The following TJP1 variants were observed in gnomAD, a reference collection of about 807,000 sequenced individuals.
The protein encoded by TJP1 is tight junction protein 1.
A neutral mutation model predicts 194.2 loss-of-function variants in TJP1; 43 were observed. The observed-to-expected ratio is 0.22, with a 90% CI of 0.17 to 0.29. The LOEUF is 0.29. TJP1 is among the 10% of genes least tolerant of loss of function. The pLI, the probability that TJP1 is intolerant of heterozygous loss-of-function variation, is 1.00. For synonymous variants in TJP1, 801 were observed against 779.0 expected (o/e 1.03, Z -0.47); for missense variants, 1,971 against 2,185.7 (o/e 0.90, Z 1.96).
intron 2 of TJP1, among the ~76,000 whole-genome samples, chr15:29,857,181 G>A (rs1021561603): frequency 2.0e-5 from 3 of 151,940 alleles, no homozygotes; most frequent in Admixed American, 6.6e-5. Flanking sequence ...TCTTATATTG[G>A]GGAGTCCAGT....
chr15:29,919,704 A>G (rs1022941290), intron 2 of TJP1, among the ~76,000 whole-genome samples: 1 of 152,220 alleles, frequency 6.6e-6, no homozygotes, highest in African/African-American at 2.4e-5. Context: ...GAGGGACTTC[A>G]GGACCAGCTG....
intron 15 of TJP1, 193 bp downstream of exon 15, chr15:29,732,240 C>G: frequency 1.7e-6 from 1 of 584,458 alleles, no homozygotes. Flanking sequence ...TAAACGGTGA[C>G]TTTTCTCATT....
Position 29,768,555 on chromosome 15 carries a change from TG to T in TJP1, c.313-2014del, listed in dbSNP as rs138116568. 2.3e-3 allele frequency among the ~76,000 whole-genome samples: 346 copies of T among 152,330 alleles called. 3 individuals are homozygous for T. The highest frequency in any genetic ancestry group is 7.8e-3 in the African/African-American group (326 of 41,578). ...CACCTCTTTGGGATCCTACTGTACC[TG>T]ACCTATCAACCTGAGATGACGTGCA... On this transcript the variant is annotated intron_variant, in intron 4 of 27. Transcript: ENST00000614355.
chr15:29,700,363 CA>C lies in TJP1; in HGVS notation c.*1231del, dbSNP rs1232646008. 5 of 398,668 alleles carry C rather than the reference CA, an allele frequency of 1.3e-5. No individual in the cohort carries two copies. Among genetic ancestry groups the C allele is most frequent in the Non-Finnish European group, 2.2e-5 (5 of 226,012 alleles). 24.7% of individuals were successfully genotyped at this position (398,668 alleles called of 1,614,324 possible). ...CACAAATTACAGTAGGGATACTTTG[CA>C]AGAATTTAATCAAACTAGAGAATTC... On this transcript the variant is annotated 3_prime_UTR_variant, in exon 28 of 28. Coordinates refer to ENST00000614355, the MANE Select transcript of TJP1 (RefSeq NM_001330239.4).
intron 10 of TJP1, among the ~76,000 whole-genome samples, chr15:29,739,862 G>A (rs1355700583): frequency 6.6e-6 from 1 of 152,156 alleles, no homozygotes; most frequent in Non-Finnish European, 1.5e-5. Context: ...TTTATAAAAG[G>A]TTGAATTATC....
intron 2 of TJP1, among the ~76,000 whole-genome samples, chr15:29,942,975 C>T (rs957689751): frequency 6.6e-6 from 1 of 152,196 alleles, no homozygotes; most frequent in African/African-American, 2.4e-5. Flanking sequence ...ATGCTGCACA[C>T]ATACCAAGGA....
intron 11 of TJP1, 45 bp downstream of exon 11, chr15:29,737,219 G>A: frequency 2.5e-6 from 4 of 1,594,816 alleles, no homozygotes; most frequent in Non-Finnish European, 3.4e-6. Context: ...TTTTTCTGGT[G>A]ATCCAAATAC....
At chr15:29,868,290 G>A (rs987367818) in intron 2 of TJP1, among the ~76,000 whole-genome samples, 1 of 152,102 alleles carries the variant, frequency 6.6e-6, no homozygotes, top group Non-Finnish European at 1.5e-5. Flanking sequence ...AAAATAACTG[G>A]TCAGTTAGGA....
intron 2 of TJP1, among the ~76,000 whole-genome samples, chr15:29,777,797 C>G (rs1038535792): frequency 6.6e-6 from 1 of 152,304 alleles, no homozygotes; most frequent in African/African-American, 2.4e-5. Flanking sequence ...AAGTAACAAA[C>G]GCACAAGGTT....
intron 2 of TJP1, among the ~76,000 whole-genome samples, chr15:29,907,840 A>G (rs978647491): frequency 6.6e-6 from 1 of 151,844 alleles, no homozygotes; most frequent in African/African-American, 2.4e-5. Flanking sequence ...CTATGCAGAG[A>G]TGTTGAACAC....
chr15:29,848,246 C>A (rs964440456), intron 2 of TJP1, among the ~76,000 whole-genome samples: 1 of 151,214 alleles, frequency 6.6e-6, no homozygotes, highest in African/African-American at 2.4e-5. Context: ...TTGTGTTGTT[C>A]AGATCTTCTT....
At chr15:29,891,963 G>C (rs2053325296) in intron 2 of TJP1, among the ~76,000 whole-genome samples, 1 of 152,166 alleles carries the variant, frequency 6.6e-6, no homozygotes, top group Non-Finnish European at 1.5e-5. Flanking sequence ...TCAAAAACTA[G>C]AAATGATTAA....
intron 2 of TJP1, among the ~76,000 whole-genome samples, chr15:29,879,001 T>C (rs971470448): frequency 6.6e-6 from 1 of 151,812 alleles, no homozygotes; most frequent in Non-Finnish European, 1.5e-5. Context: ...CACGCGCCTG[T>C]AGTCCCCAGC....
In TJP1 at chr15:29,822,427, G is replaced by T; in HGVS notation, c.-399C>A. 1 of 989,566 alleles carries T rather than the reference G, an allele frequency of 1.0e-6. No homozygotes were observed. Among genetic ancestry groups the T allele is most frequent in the Non-Finnish European group, 1.2e-6 (1 of 832,804 alleles). The allele number at this position is 989,566 out of a possible 1,614,324, so 61.3% of individuals were successfully genotyped here. On this transcript the variant is annotated 5_prime_UTR_variant, in exon 1 of 28. Transcript: ENST00000614355. The stretch of plus-strand genomic sequence containing the variant: ...GGAACCGGCGGCCGCCAAGGAACGC[G>T]GCGTCCGCTGGCTCAGCCGGCGCCG...
chr15:29,733,031 G>T, intron 13 of TJP1, 63 bp downstream of exon 13: 1 of 1,528,770 alleles, frequency 6.5e-7, no homozygotes. Context: ...TTCCCAGTGG[G>T]ATTGAAATGA....
At chr15:29,856,012 A>G (rs1168378010) in intron 2 of TJP1, among the ~76,000 whole-genome samples, 1 of 152,252 alleles carries the variant, frequency 6.6e-6, no homozygotes, top group East Asian at 1.9e-4. Context: ...CTTGTATGCA[A>G]ACATTCACAG....
intron 2 of TJP1, among the ~76,000 whole-genome samples, chr15:29,776,678 C>T (rs916162038): frequency 6.6e-5 from 10 of 152,146 alleles, no homozygotes; most frequent in Non-Finnish European, 1.0e-4. Context: ...CTTAGTCTTT[C>T]GGAAAATACT....
chr15:29,875,756 G>A (rs2052675841), intron 2 of TJP1, among the ~76,000 whole-genome samples: 1 of 152,060 alleles, frequency 6.6e-6, no homozygotes, highest in African/African-American at 2.4e-5. Flanking sequence ...ATTAGAGACA[G>A]GGTTTCACCA....
intron 23 of TJP1, among the ~76,000 whole-genome samples, chr15:29,716,009 G>A (rs1157223494): frequency 6.6e-6 from 1 of 152,090 alleles, no homozygotes; most frequent in East Asian, 1.9e-4. Flanking sequence ...AGAACCAGTA[G>A]GAGACACAAA....
Sources: allele counts gnomAD v4.1 joint callset (sites outside exome capture counted in the v4.1 genomes callset), GRCh38; gene constraint gnomAD v4.1.1; transcripts MANE v1.5; gene names NCBI Gene and HGNC (gene_info 2026-07-23, HGNC 2026-07-21).